The following RAPGEF3 variants were observed in gnomAD, a reference collection of about 807,000 sequenced individuals.
The protein encoded by RAPGEF3 is Rap guanine nucleotide exchange factor 3.
A neutral mutation model predicts 129.8 loss-of-function variants in RAPGEF3; 103 were observed. That is an observed-to-expected ratio of 0.79 (90% CI 0.68 to 0.93). The LOEUF is 0.93. Among genes scored for constraint, RAPGEF3 ranks in the 40% least tolerant of loss-of-function variants. RAPGEF3 has a pLI of 0.00. For synonymous variants in RAPGEF3, 436 were observed against 482.6 expected, an observed-to-expected ratio of 0.90 and a Z score of 1.26; for missense variants, 1,117 against 1,207.4, an observed-to-expected ratio of 0.93 and a Z score of 1.11.
rs754915445 is a variant in RAPGEF3, at chr12:47,747,873, G to A, written c.1323-11C>T. 6.2e-7 allele frequency: 1 copy of A among 1,601,474 alleles called. No individual in the cohort carries two copies. Among genetic ancestry groups the A allele is most frequent in the Non-Finnish European group, 8.5e-7 (1 of 1,179,138 alleles). ...GGCTCCACATGGAAGGTGGGCACCAGTCAAGGGAACCACAACATCCAAGCA... is the reference window on the plus strand; with the variant it reads ...GGCTCCACATGGAAGGTGGGCACCAATCAAGGGAACCACAACATCCAAGCA... On this transcript the variant is annotated splice_polypyrimidine_tract_variant and intron_variant, in intron 13 of 27. Coordinates refer to ENST00000449771, the MANE Select transcript of RAPGEF3 (RefSeq NM_001098531.4).
At position 47,735,723 on chromosome 12, in the gene RAPGEF3, T is replaced by G. The variant is rs192574691; in HGVS notation, c.*1844A>C. ...GACACCGGCCCCCGTGGCACTTGGT[T>G]TCTGTTGTGTCGCTGGGCTGGGCTC... On this transcript the variant is annotated 3_prime_UTR_variant, in exon 28 of 28. Transcript: ENST00000449771. 2.0e-5 allele frequency: 3 copies of G among 152,590 alleles called. No individual in the cohort carries two copies. The East Asian group carries it at 5.8e-4, about 29-fold the overall frequency. The allele number at this position is 152,590 out of a possible 1,614,324, so 9.5% of individuals were successfully genotyped here.
At position 47,749,025 on chromosome 12, in the gene RAPGEF3, A is replaced by T; in HGVS notation, c.1042-94T>A. 10 of 1,037,192 alleles carry T rather than the reference A, an allele frequency of 9.6e-6. No individual in the cohort carries two copies. The highest frequency in any genetic ancestry group is 1.4e-5 in the South Asian group (1 of 72,264). 64.2% of individuals were successfully genotyped at this position (1,037,192 alleles called of 1,614,324 possible). On this transcript the variant is annotated intron_variant, in intron 10 of 27. Coordinates refer to ENST00000449771, the MANE Select transcript of RAPGEF3 (RefSeq NM_001098531.4). This position sits in a 1 kb window ranked among gnomAD's most constrained non-coding sequence, Gnocchi z 4.5. ...TTCATTCCAGCCCCTGAGCCCCATG[A>T]GGGTCCCACAGGGACCCACAGCCCT... is the stretch of plus-strand genomic sequence containing the variant.
chr12:47,743,308 G>A (rs111445977), intron 18 of RAPGEF3, among the ~76,000 whole-genome samples: 1 of 152,346 alleles, frequency 6.6e-6, no homozygotes, highest in Non-Finnish European at 1.5e-5. Context: ...GAGCTAAAGG[G>A]CTGGTGCCGA....
At chr12:47,744,114 G>A in intron 16 of RAPGEF3, 46 bp from the exon 17 acceptor site, 2 of 1,468,194 alleles carry the variant, frequency 1.4e-6, no homozygotes, top group Non-Finnish European at 9.4e-7. Context: ...GGACATGAGA[G>A]GAGACCGTGG....
At chr12:47,753,329 C>T (rs1262306955) in intron 2 of RAPGEF3, among the ~76,000 whole-genome samples, 1 of 152,234 alleles carries the variant, frequency 6.6e-6, no homozygotes, top group African/African-American at 2.4e-5. Context: ...ACACCCACCC[C>T]ACCTGCCCCT....
chr12:47,739,711 G>A (rs766349157), intron 23 of RAPGEF3: 18 of 361,760 alleles, frequency 5.0e-5, no homozygotes, highest in African/African-American at 2.1e-4. Context: ...CTCTATCCTC[G>A]CCTCTTCTAC....
chr12:47,748,320 GA>G (rs1339984749), intron 12 of RAPGEF3, 133 bp downstream of exon 12: 1 of 977,244 alleles, frequency 1.0e-6, no homozygotes, highest in East Asian at 2.6e-5. Flanking sequence ...GCACAGGTAA[GA>G]GGACTTATTG....
intron 5 of RAPGEF3, 25 bp from the exon 6 acceptor site, chr12:47,751,241 G>A: frequency 1.9e-6 from 3 of 1,546,228 alleles, no homozygotes; most frequent in Non-Finnish European, 2.6e-6. Context: ...CCCAGGCGTG[G>A]GGGAGGAGAG....
intron 5 of RAPGEF3, 72 bp downstream of exon 5, chr12:47,751,327 C>A: frequency 6.3e-7 from 1 of 1,598,566 alleles, no homozygotes. Flanking sequence ...GCCTGCTTCC[C>A]AGGACTGCCC....
Position 47,737,687 on chromosome 12 carries a change from T to C in RAPGEF3, c.2654-2A>G. 6.2e-7 allele frequency: 1 copy of C among 1,612,426 alleles called. No homozygotes were observed. Among genetic ancestry groups the C allele is most frequent in the Non-Finnish European group, 8.5e-7 (1 of 1,179,088 alleles). On this transcript the variant is annotated splice_acceptor_variant, in intron 27 of 27. Coordinates refer to ENST00000449771, the MANE Select transcript of RAPGEF3 (RefSeq NM_001098531.4). LOFTEE classifies it high-confidence loss of function. ...GGGTGCTCAGGGACTGCTCCGAGCC[T>C]GGTGGAGGAGAGTAGTCAGGGAGGC... is the stretch of plus-strand genomic sequence containing the variant.
Position 47,750,005 on chromosome 12 carries a change from T to G in RAPGEF3, c.757-15A>C, listed in dbSNP as rs374084878. On this transcript the variant is annotated splice_polypyrimidine_tract_variant and intron_variant, in intron 7 of 27. Transcript: ENST00000449771. ...TCTCGCTTCACCTGTGTGGTGGAGA[T>G]AGGAGAGTCGGTGGCGACAAGTTCA... The G allele has an allele frequency of 1.4e-4, 227 of 1,614,032 alleles. No homozygotes were observed. The highest frequency in any genetic ancestry group is 1.8e-4 in the Non-Finnish European group (217 of 1,180,032).
rs199576694 is a variant in RAPGEF3, at chr12:47,758,006, G to A, written c.79C>T (p.Arg27Trp). 1.8e-3 allele frequency: 2,763 copies of A among 1,574,664 alleles called. 6 individuals carry two copies. Among genetic ancestry groups the A allele is most frequent in the Non-Finnish European group, 1.5e-3 (1,735 of 1,159,868 alleles). ...ACCACGTCAGGGAGGGCTCCCACCC[G>A]CGGTGCTCCCAGAGCTGGGCTATCC... ...VEDSPALGAPRVGALPDVVPE... is the reference protein window; with the variant it reads ...VEDSPALGAPWVGALPDVVPE... The change falls in exon 2 of 28, where the codon CGG becomes TGG. Residue 27 changes from arginine to tryptophan, a missense_variant. Transcript: ENST00000449771.
chr12:47,754,217 G>A (rs558890345), intron 2 of RAPGEF3, among the ~76,000 whole-genome samples: 26 of 152,366 alleles, frequency 1.7e-4, no homozygotes, highest in South Asian at 1.4e-3. Context: ...ATGCCCTACC[G>A]TCTTCCATTA....
chr12:47,752,115 A>G (rs901905551), intron 2 of RAPGEF3, 146 bp from the exon 3 acceptor site: 7 of 842,920 alleles, frequency 8.3e-6, no homozygotes, highest in Non-Finnish European at 1.3e-5. Flanking sequence ...AAATAAACAA[A>G]TATTCACTCA....
In RAPGEF3 at chr12:47,740,333, GC is replaced by G. The variant is rs1941070815; in HGVS notation, c.2293del (p.Ala765ProfsTer5). 6.2e-7 allele frequency: 1 copy of G among 1,614,012 alleles called. No homozygotes were observed. Among genetic ancestry groups the G allele is most frequent in the South Asian group, 1.1e-5 (1 of 91,086 alleles). On this transcript the variant is annotated frameshift_variant, in exon 22 of 28. Coordinates refer to ENST00000449771, the MANE Select transcript of RAPGEF3 (RefSeq NM_001098531.4). LOFTEE classifies it high-confidence loss of function. ...FAVMFGLSNS[A>X]ISRLAHTWER... Reference sequence around the variant, plus strand: ...CCAGGTGTGGGCTAGGCGGCTGATGGCCGAGTTGCTGAGGCCAAACATGACG... The same window carrying G: ...CCAGGTGTGGGCTAGGCGGCTGATGGCGAGTTGCTGAGGCCAAACATGACG...
At chr12:47,746,685 C>G (rs1941437552) in intron 16 of RAPGEF3, 175 bp downstream of exon 16, 2 of 815,592 alleles carry the variant, frequency 2.5e-6, no homozygotes. Flanking sequence ...CCTGGCACGG[C>G]CTGGCCCAGG....
chr12:47,743,906 G>C, intron 17 of RAPGEF3, 81 bp downstream of exon 17: 1 of 1,474,442 alleles, frequency 6.8e-7, no homozygotes, highest in Non-Finnish European at 9.4e-7. Flanking sequence ...CCGAGGTCAA[G>C]AGTGACGACA....
intron 2 of RAPGEF3, chr12:47,756,623 G>C (rs1301261553): frequency 6.6e-6 from 1 of 151,960 alleles, no homozygotes. Context: ...GGCAAGGTAG[G>C]GGGAAGGAGG....
chr12:47,741,328 A>G, intron 19 of RAPGEF3, 177 bp downstream of exon 19: 6 of 693,144 alleles, frequency 8.7e-6, no homozygotes, highest in East Asian at 2.7e-5. Flanking sequence ...CCTGCCCTGC[A>G]CTATCTTGGG....
Sources: allele counts gnomAD v4.1 joint callset (sites outside exome capture counted in the v4.1 genomes callset), GRCh38; gene constraint gnomAD v4.1.1; non-coding constraint Gnocchi (gnomAD v3.1); transcripts MANE v1.5; gene names NCBI Gene and HGNC (gene_info 2026-07-23, HGNC 2026-07-21).